Variants in FSD1L observed in about 807,000 individuals in gnomAD.
FSD1L encodes FSD1-like protein.
FSD1L carries 45 observed loss-of-function variants against 71.6 expected under a neutral mutation model. The observed-to-expected ratio is 0.63, with a 90% CI of 0.49 to 0.81. The LOEUF is 0.81. Among genes scored for constraint, FSD1L ranks in the 30% least tolerant of loss-of-function variants. FSD1L has a pLI of 0.00. For missense variants in FSD1L, 561 were observed against 618.1 expected, an observed-to-expected ratio of 0.91 and a Z score of 0.98; for synonymous variants, 197 against 207.2, an observed-to-expected ratio of 0.95 and a Z score of 0.42.
chr9:105,518,429 A>G (rs1834876498), intron 10 of FSD1L, among the ~76,000 whole-genome samples: 1 of 152,212 alleles, frequency 6.6e-6, no homozygotes, highest in South Asian at 2.1e-4. Context: ...CTCCTCAGCA[A>G]ATGCAAAAGA....
At chr9:105,452,669 G>GCCTGCCTTCCTGCCTGCCTTCCTT (rs1191519308) in intron 1 of FSD1L, among the ~76,000 whole-genome samples, 2 of 96,238 alleles carry the variant, frequency 2.1e-5, no homozygotes, top group African/African-American at 8.5e-5. Context: ...CTGCCTGCCT[G>GCCTGCCTTCCTGCCTGCCTTCCTT]CCTTCCTTCC....
chr9:105,500,072 T>A (rs12349260), intron 7 of FSD1L, among the ~76,000 whole-genome samples: 5,077 of 152,330 alleles, frequency 0.033, 142 homozygotes, highest in Non-Finnish European at 0.047. Context: ...CATCTGTTCT[T>A]TTATGCTGTC....
intron 7 of FSD1L, among the ~76,000 whole-genome samples, chr9:105,487,051 CA>C (rs1184422370): frequency 1.2e-4 from 18 of 151,768 alleles, no homozygotes; most frequent in Admixed American, 7.9e-4. Flanking sequence ...AGCAAGAACT[CA>C]AAAAAAGGAA....
At chr9:105,469,541 C>T (rs995053363) in intron 4 of FSD1L, among the ~76,000 whole-genome samples, 2 of 151,848 alleles carry the variant, frequency 1.3e-5, no homozygotes, top group Admixed American at 6.6e-5. Context: ...CATCTCTTCA[C>T]GTGTTTGTTG....
intron 10 of FSD1L, among the ~76,000 whole-genome samples, chr9:105,516,356 C>T (rs1034618438): frequency 2.6e-5 from 4 of 152,182 alleles, no homozygotes; most frequent in Admixed American, 1.3e-4. Context: ...GTCAGACTGC[C>T]TCCTCAAGTG....
At chr9:105,447,921 A>G, upstream of FSD1L, 2 of 507,100 alleles carry the variant, frequency 3.9e-6, no homozygotes, top group Non-Finnish European at 6.9e-6. Flanking sequence ...CAGAGGCACT[A>G]GCGGTAGACA....
At chr9:105,526,047 A>G in intron 10 of FSD1L, 1 of 1,501,480 alleles carries the variant, frequency 6.7e-7, no homozygotes, top group Non-Finnish European at 9.3e-7. Flanking sequence ...TTATTGTAAT[A>G]TATCCAATGA....
At chr9:105,515,755 C>T (rs1400197827) in intron 10 of FSD1L, among the ~76,000 whole-genome samples, 2 of 151,992 alleles carry the variant, frequency 1.3e-5, no homozygotes, top group African/African-American at 2.4e-5. Flanking sequence ...AACTGGGTGG[C>T]CGTTTAGGCA....
intron 13 of FSD1L, among the ~76,000 whole-genome samples, chr9:105,544,949 TC>T (rs1252734998): frequency 6.6e-6 from 1 of 152,222 alleles, no homozygotes; most frequent in Non-Finnish European, 1.5e-5. Flanking sequence ...AGTAGTTTTT[TC>T]CCATTCTGTG....
chr9:105,482,371 A>G (rs186764705), intron 6 of FSD1L, among the ~76,000 whole-genome samples: 1 of 152,084 alleles, frequency 6.6e-6, no homozygotes, highest in East Asian at 2.0e-4. Context: ...TTCTTGAAAG[A>G]GAGGGGTTAT....
intron 6 of FSD1L, among the ~76,000 whole-genome samples, chr9:105,479,937 T>C (rs896707752): frequency 6.6e-6 from 1 of 152,228 alleles, no homozygotes; most frequent in African/African-American, 2.4e-5. Context: ...TTAAAGGTTT[T>C]GGTTTAAAAG....
At chr9:105,512,747 G>C in intron 9 of FSD1L, 60 bp from the exon 10 acceptor site, 1 of 960,066 alleles carries the variant, frequency 1.0e-6, no homozygotes, top group Non-Finnish European at 1.5e-6. Flanking sequence ...TGATAGCTGT[G>C]TTTCAGAAAG....
At chr9:105,463,170 T>C (rs566441014) in intron 2 of FSD1L, among the ~76,000 whole-genome samples, 5 of 151,550 alleles carry the variant, frequency 3.3e-5, no homozygotes, top group Admixed American at 1.3e-4. Flanking sequence ...AAAAATGTTA[T>C]CTCCCTTCAG....
In FSD1L at chr9:105,549,273, A is replaced by G. The variant is rs990582991; in HGVS notation, c.*2790A>G. ...TCTTTTAGCAACTGAATTCCCAACG[A>G]GTTTTATTAAGCTGGATATCGAAAT... On this transcript the variant is annotated 3_prime_UTR_variant, in exon 14 of 14. Transcript: ENST00000481272. The G allele has an allele frequency of 6.6e-6, 1 of 152,074 alleles. No individual in the cohort carries two copies. Among genetic ancestry groups the G allele is most frequent in the African/African-American group, 2.4e-5 (1 of 41,438 alleles). 9.4% of individuals were successfully genotyped at this position (152,074 alleles called of 1,614,324 possible). A position where few individuals can be genotyped will look rare whatever the true frequency, so the allele number is the denominator to read the frequency against.
intron 5 of FSD1L, among the ~76,000 whole-genome samples, chr9:105,476,112 G>A (rs989714628): frequency 9.9e-5 from 15 of 152,148 alleles, no homozygotes; most frequent in African/African-American, 3.6e-4. Context: ...AAGAACAAAA[G>A]AGATTGGGAA....
intron 2 of FSD1L, among the ~76,000 whole-genome samples, chr9:105,463,031 G>A (rs538420395): frequency 5.2e-4 from 79 of 151,154 alleles, no homozygotes; most frequent in Middle Eastern, 3.4e-3. Context: ...CCAGCTACTC[G>A]GGAGGCTGAG....
chr9:105,464,297 T>G lies in FSD1L; in HGVS notation c.173T>G (p.Ile58Ser). 1 of 1,526,992 alleles carries G rather than the reference T, an allele frequency of 6.5e-7. No homozygotes were observed. The highest frequency in any genetic ancestry group is 1.2e-5 in the South Asian group (1 of 82,046). The allele number at this position is 1,526,992 out of a possible 1,614,324, so 94.6% of individuals were successfully genotyped here. A position where few individuals can be genotyped will look rare whatever the true frequency, so the allele number is the denominator to read the frequency against. Residue 58 changes from isoleucine (I) to serine (S), a missense_variant, in exon 3 of 14, where the codon ATT (isoleucine) becomes AGT (serine). Ile to Ser is a moderately radical substitution (Grantham distance 142, BLOSUM62 -2). Coordinates refer to ENST00000481272, the MANE Select transcript of FSD1L (RefSeq NM_001145313.3). ...AAAAATGATGAAATTCAGAACTTTATTGATACACTACATCATACACTAAAA... is the reference window on the plus strand; with the variant it reads ...AAAAATGATGAAATTCAGAACTTTAGTGATACACTACATCATACACTAAAA... ...ANKNDEIQNF[I>S]DTLHHTLKGV...
chr9:105,539,220 A>G (rs1432582968), intron 12 of FSD1L, 43 bp from the exon 13 acceptor site: 3 of 921,194 alleles, frequency 3.3e-6, no homozygotes, highest in Non-Finnish European at 4.9e-6. Flanking sequence ...AAATGTTACA[A>G]TTTTTTGTAT....
intron 10 of FSD1L, chr9:105,520,519 G>T: frequency 8.7e-7 from 1 of 1,152,868 alleles, no homozygotes; most frequent in South Asian, 1.2e-5. Context: ...TTTTATTTTT[G>T]AGAAAATTTT....
Sources: gnomAD v4.1 joint callset for allele counts (sites outside exome capture counted in the v4.1 genomes callset) on GRCh38, gnomAD v4.1.1 for gene constraint, MANE v1.5 for transcripts, NCBI Gene and HGNC (gene_info 2026-07-23, HGNC 2026-07-21) for gene names.